HPSE2: variants seen among roughly 807,000 people sequenced by gnomAD.
HPSE2 encodes heparanase 2 (inactive).
Under a neutral mutation model 60.5 loss-of-function variants are expected in HPSE2, and 38 were observed. The observed-to-expected ratio is 0.63, with a 90% confidence interval of 0.48 to 0.82. The LOEUF (loss-of-function observed/expected upper bound fraction) is 0.82, where lower values mean the gene tolerates loss of function less well. Ranked by LOEUF, HPSE2 falls within the 40% of genes least tolerant of loss-of-function variation. The pLI is 0.00. For synonymous variants in HPSE2, 295 were observed against 293.2 expected, an observed-to-expected ratio of 1.01 and a Z score of -0.06; for missense variants, 713 against 740.4, an observed-to-expected ratio of 0.96 and a Z score of 0.43.
chr10:98,633,708 G>A (rs1265262143), intron 7 of HPSE2, among the ~76,000 whole-genome samples: 2 of 152,150 alleles, frequency 1.3e-5, no homozygotes, highest in African/African-American at 4.8e-5. Flanking sequence ...GGAGTCAAAA[G>A]CTGTAAATGA....
chr10:98,466,525 C>T (rs1371459658), intron 11 of HPSE2, among the ~76,000 whole-genome samples: 3 of 151,092 alleles, frequency 2.0e-5, no homozygotes, highest in Non-Finnish European at 2.9e-5. Flanking sequence ...GCAGGAGAAT[C>T]GCTTGAACTC....
chr10:99,284,066 C>T, the HPSE2 span, among the ~76,000 whole-genome samples: 53 of 152,230 alleles, frequency 3.5e-4, no homozygotes, highest in African/African-American at 1.2e-3. Context: ...GCCTGACAAA[C>T]ACACAAGTAA....
chr10:99,048,017 A>C, intron 3 of HPSE2: 1 of 690,378 alleles, frequency 1.4e-6, no homozygotes, highest in Non-Finnish European at 2.6e-6. Flanking sequence ...GAAGCTCAAC[A>C]AGGCTGCAAT....
Position 98,852,113 on chromosome 10 carries a change from A to ATATATATATGTG in HPSE2, c.611-108058_611-108057insCACATATATATA, listed in dbSNP as rs779720749. ...GGTTTTGCAAACCTTGTATATTATG[A>ATATATATATGTG]TGTGTGTGTGTGTGTGTGTGTGTGT... On this transcript the variant is annotated intron_variant, in intron 3 of 11. Coordinates refer to ENST00000370552, the MANE Select transcript of HPSE2 (RefSeq NM_021828.5). 9.8e-4 allele frequency among the ~76,000 whole-genome samples: 90 copies of ATATATATATGTG among 91,942 alleles called. No homozygotes were observed. The South Asian group carries it at 0.01, about 11-fold the overall frequency. 60.3% of individuals were successfully genotyped at this position (91,942 alleles called of 152,430 possible).
intron 2 of HPSE2, among the ~76,000 whole-genome samples, chr10:99,154,648 A>G (rs1846450245): frequency 6.6e-6 from 1 of 151,908 alleles, no homozygotes; most frequent in Non-Finnish European, 1.5e-5. Context: ...CTGCAAAATC[A>G]TGCCAAAATA....
At chr10:98,474,930 C>T (rs1251470716) in intron 11 of HPSE2, among the ~76,000 whole-genome samples, 4 of 151,976 alleles carry the variant, frequency 2.6e-5, no homozygotes, top group Non-Finnish European at 5.9e-5. Flanking sequence ...CTCAGAATCC[C>T]CTCCCCAACA....
chr10:98,540,299 C>T (rs1332764369), intron 9 of HPSE2, among the ~76,000 whole-genome samples: 1 of 152,174 alleles, frequency 6.6e-6, no homozygotes, highest in Non-Finnish European at 1.5e-5. Context: ...ATGTTTTCCC[C>T]TACTTTCTCT....
the HPSE2 span, among the ~76,000 whole-genome samples, chr10:99,259,373 T>A: frequency 6.7e-6 from 1 of 148,526 alleles, no homozygotes; most frequent in East Asian, 1.9e-4. Flanking sequence ...GAAAAAAATA[T>A]TTGCAAAGCA....
intron 7 of HPSE2, among the ~76,000 whole-genome samples, chr10:98,629,593 C>T (rs1032767986): frequency 6.6e-6 from 1 of 152,170 alleles, no homozygotes; most frequent in Non-Finnish European, 1.5e-5. Flanking sequence ...TCCCTGAGTT[C>T]TGGATCTTGT....
At chr10:98,879,682 T>C (rs1952967561) in intron 3 of HPSE2, among the ~76,000 whole-genome samples, 2 of 151,968 alleles carry the variant, frequency 1.3e-5, no homozygotes, top group Non-Finnish European at 2.9e-5. Context: ...AGCTCTGCAG[T>C]GTAAAGACCC....
At chr10:98,851,201 T>C (rs1419091859) in intron 3 of HPSE2, among the ~76,000 whole-genome samples, 1 of 152,188 alleles carries the variant, frequency 6.6e-6, no homozygotes, top group East Asian at 1.9e-4. Context: ...CCTTATAGAA[T>C]ATTTGAAGTG....
In HPSE2 at chr10:98,896,121, T is replaced by C. The variant is rs571648350; in HGVS notation, c.611-152065A>G. On this transcript the variant is annotated intron_variant, in intron 3 of 11. Transcript: ENST00000370552. Reference sequence around the variant, plus strand: ...AAAAAGAAAAAAAAAACCTCATCTATAGTATCTCCTCTAAAGTAGTTCCCT... The same window carrying C: ...AAAAAGAAAAAAAAAACCTCATCTACAGTATCTCCTCTAAAGTAGTTCCCT... Among the ~76,000 whole-genome samples the C allele has an allele frequency of 3.9e-5, 6 of 152,102 alleles. No homozygotes were observed. In the East Asian group the frequency reaches 7.8e-4, roughly 20 times the overall value.
chr10:99,196,949 A>T (rs1336196619), intron 2 of HPSE2, among the ~76,000 whole-genome samples: 2 of 152,242 alleles, frequency 1.3e-5, no homozygotes, highest in Admixed American at 6.5e-5. Context: ...TGTTTACAAC[A>T]GCTAAGATTT....
chr10:98,987,630 G>T (rs1368095231), intron 3 of HPSE2, among the ~76,000 whole-genome samples: 1 of 152,142 alleles, frequency 6.6e-6, no homozygotes, highest in Non-Finnish European at 1.5e-5. Context: ...CATAATGTTG[G>T]AAGTTCTGGC....
At chr10:99,301,006 T>A in the HPSE2 span, among the ~76,000 whole-genome samples, 74,612 of 152,110 alleles carry the variant, frequency 0.49, 21,599 homozygotes, top group Non-Finnish European at 0.64. Flanking sequence ...CTAAGGGCAG[T>A]TAATAAGGCA....
At chr10:98,691,990 T>G (rs1418765992) in intron 6 of HPSE2, among the ~76,000 whole-genome samples, 1 of 152,026 alleles carries the variant, frequency 6.6e-6, no homozygotes, top group Non-Finnish European at 1.5e-5. Flanking sequence ...ATAAGTGCCA[T>G]TATGGTAGAA....
intron 3 of HPSE2, among the ~76,000 whole-genome samples, chr10:98,894,726 T>A (rs748048693): frequency 6.6e-6 from 1 of 152,046 alleles, no homozygotes; most frequent in African/African-American, 2.4e-5. Context: ...ATTTAAAAGA[T>A]ATAACTAAGA....
chr10:99,205,678 C>T (rs1209262278), intron 2 of HPSE2, among the ~76,000 whole-genome samples: 1 of 152,100 alleles, frequency 6.6e-6, no homozygotes, highest in African/African-American at 2.4e-5. Flanking sequence ...ACTGGACACG[C>T]CAATTCACAG....
At chr10:98,679,940 G>T (rs1947742952) in intron 6 of HPSE2, among the ~76,000 whole-genome samples, 1 of 152,044 alleles carries the variant, frequency 6.6e-6, no homozygotes, top group South Asian at 2.1e-4. Context: ...CTCCTAAAGT[G>T]CTGGAATTAC....
Sources: gnomAD v4.1 joint callset for allele counts (sites outside exome capture counted in the v4.1 genomes callset) on GRCh38, gnomAD v4.1.1 for gene constraint, MANE v1.5 for transcripts, NCBI Gene and HGNC (gene_info 2026-07-23, HGNC 2026-07-21) for gene names.